The following GABBR2 variants were observed in gnomAD, a reference collection of about 807,000 sequenced individuals.
GABBR2 encodes the protein G-protein coupled receptor 51.
GABBR2 carries 23 observed loss-of-function variants against 105.6 expected under a neutral mutation model. The observed-to-expected ratio is 0.22, with a 90% CI of 0.16 to 0.31. The LOEUF (loss-of-function observed/expected upper bound fraction) is 0.31. Among genes scored for constraint, GABBR2 ranks in the 10% least tolerant of loss-of-function variants. The pLI is 1.00. For missense variants in GABBR2, 734 were observed against 1,245.5 expected (o/e 0.59, Z 6.18); for synonymous variants, 478 against 499.7 (o/e 0.96, Z 0.58).
intron 1 of GABBR2, among the ~76,000 whole-genome samples, chr9:98,609,137 T>C (rs1829470431): frequency 6.6e-6 from 1 of 152,248 alleles, no homozygotes; most frequent in African/African-American, 2.4e-5. Context: ...GATGTTGTGA[T>C]ATAAAAAAAT....
intron 3 of GABBR2, among the ~76,000 whole-genome samples, chr9:98,515,485 A>G (rs1330476999): frequency 2.0e-5 from 3 of 152,256 alleles, no homozygotes; most frequent in Admixed American, 6.5e-5. Flanking sequence ...TTTGTCCTCA[A>G]CTTATGTTCT....
chr9:98,694,815 T>C (rs1830728174), intron 1 of GABBR2, among the ~76,000 whole-genome samples: 1 of 152,240 alleles, frequency 6.6e-6, no homozygotes, highest in African/African-American at 2.4e-5. Context: ...TCTCATTTTA[T>C]AGGTGATAAA....
chr9:98,328,350 ACT>A (rs1365791041), intron 13 of GABBR2, among the ~76,000 whole-genome samples: 1 of 152,028 alleles, frequency 6.6e-6, no homozygotes, highest in Non-Finnish European at 1.5e-5. Context: ...TGTTAAAAAC[ACT>A]CTATTAGTGA....
In GABBR2 at chr9:98,306,799, T is replaced by C. The variant is rs1200899158; in HGVS notation, c.2005-454A>G. On this transcript the variant is annotated intron_variant, in intron 14 of 18. Coordinates refer to ENST00000259455, the MANE Select transcript of GABBR2 (RefSeq NM_005458.8). This position sits in a 1 kb window ranked among gnomAD's most constrained non-coding sequence, Gnocchi z 5.4. The stretch of plus-strand genomic sequence containing the variant: ...TTTTCTATTAAACTAAGCAGATCCC[T>C]TGTGTCTGAGACTTCTATTGTCCCC... Among the ~76,000 whole-genome samples the C allele has an allele frequency of 6.6e-6, 1 of 152,222 alleles. No homozygotes were observed. Among genetic ancestry groups the C allele is most frequent in the East Asian group, 1.9e-4 (1 of 5,198 alleles).
In GABBR2 at chr9:98,496,519, C is replaced by T. The variant is rs1827283598; in HGVS notation, c.631-5G>A. The stretch of plus-strand genomic sequence containing the variant: ...TCCAGTCAGGTCATTCCGCACCTGT[C>T]AGCAAAGAGAAAGCAGAGGGTGGGT... On this transcript the variant is annotated splice_region_variant and splice_polypyrimidine_tract_variant and intron_variant, in intron 3 of 18. Transcript: ENST00000259455. 3 of 1,602,766 alleles carry T rather than the reference C, an allele frequency of 1.9e-6. No individual in the cohort carries two copies. Among genetic ancestry groups the T allele is most frequent in the Non-Finnish European group, 2.6e-6 (3 of 1,170,052 alleles).
At chr9:98,344,830 A>C (rs753697100) in intron 13 of GABBR2, among the ~76,000 whole-genome samples, 2 of 152,136 alleles carry the variant, frequency 1.3e-5, no homozygotes, top group Non-Finnish European at 2.9e-5. Context: ...CAATGTGCTA[A>C]CTAGCTGCTT....
intron 13 of GABBR2, among the ~76,000 whole-genome samples, chr9:98,314,974 G>T (rs924757353): frequency 2.0e-5 from 3 of 152,146 alleles, no homozygotes; most frequent in Non-Finnish European, 4.4e-5. Flanking sequence ...TTCCACCAGT[G>T]ATTCATGTGT....
chr9:98,314,976 T>A (rs1435689519), intron 13 of GABBR2, among the ~76,000 whole-genome samples: 4 of 152,178 alleles, frequency 2.6e-5, no homozygotes, highest in African/African-American at 9.7e-5. Flanking sequence ...CCACCAGTGA[T>A]TCATGTGTTC....
chr9:98,538,335 G>A (rs1204443201), intron 3 of GABBR2, among the ~76,000 whole-genome samples: 1 of 152,164 alleles, frequency 6.6e-6, no homozygotes, highest in African/African-American at 2.4e-5. Context: ...TCATCCAGAG[G>A]GGGCATGGCA....
intron 15 of GABBR2, among the ~76,000 whole-genome samples, chr9:98,303,770 G>A (rs1012253431): frequency 3.9e-5 from 6 of 152,232 alleles, no homozygotes; most frequent in Non-Finnish European, 8.8e-5. Context: ...GAAAAAATAA[G>A]CCCCGAGGGC....
intron 3 of GABBR2, among the ~76,000 whole-genome samples, chr9:98,508,095 A>G (rs2131690219): frequency 6.6e-6 from 1 of 152,314 alleles, no homozygotes; most frequent in South Asian, 2.1e-4. Context: ...GACCAAACCA[A>G]TGTTTACAAA....
chr9:98,517,051 C>G (rs899314033), intron 3 of GABBR2, among the ~76,000 whole-genome samples: 1 of 152,148 alleles, frequency 6.6e-6, no homozygotes, highest in African/African-American at 2.4e-5. Context: ...TCCTAAGGGC[C>G]CTCTGATGGA....
chr9:98,331,806 G>A (rs189792359), intron 13 of GABBR2, among the ~76,000 whole-genome samples: 42 of 152,308 alleles, frequency 2.8e-4, no homozygotes, highest in Middle Eastern at 6.8e-3. Flanking sequence ...ATGGGAAGTG[G>A]GAGTGGGAGC....
intron 1 of GABBR2, chr9:98,607,561 G>A: frequency 1.5e-6 from 1 of 653,464 alleles, no homozygotes; most frequent in South Asian, 2.0e-5. Flanking sequence ...TTTACCTGTT[G>A]GTGTGGTAGG....
At chr9:98,338,400 T>G (rs1414362938) in intron 13 of GABBR2, among the ~76,000 whole-genome samples, 1 of 152,144 alleles carries the variant, frequency 6.6e-6, no homozygotes, top group South Asian at 2.1e-4. Context: ...ATCTAGAATA[T>G]ATAAAGAACT....
chr9:98,403,326 C>T (rs1832431492), intron 8 of GABBR2, among the ~76,000 whole-genome samples: 1 of 141,318 alleles, frequency 7.1e-6, no homozygotes, highest in Non-Finnish European at 1.5e-5. Flanking sequence ...ATCATGTAAA[C>T]AGGAGCATCT....
intron 13 of GABBR2, among the ~76,000 whole-genome samples, chr9:98,340,194 T>G (rs199992982): frequency 0.09 from 13,628 of 151,972 alleles, 719 homozygotes; most frequent in South Asian, 0.11. Context: ...TTTTTTTTTT[T>G]TTTTTGTTAC....
intron 3 of GABBR2, among the ~76,000 whole-genome samples, chr9:98,503,743 GTTTCTGGCTCAGGGTC>G (rs1281754136): frequency 3.3e-5 from 5 of 152,272 alleles, no homozygotes; most frequent in African/African-American, 1.2e-4. Flanking sequence ...TTAACTGGGG[GTTTCTGGCTCAGGGTC>G]TTTCAGGAGG....
At chr9:98,463,025 A>C (rs1233114560) in intron 6 of GABBR2, among the ~76,000 whole-genome samples, 1 of 152,108 alleles carries the variant, frequency 6.6e-6, no homozygotes, top group Non-Finnish European at 1.5e-5. Flanking sequence ...AGTAGCTGAG[A>C]CTACAGGCAT....
Sources: allele counts gnomAD v4.1 joint callset (sites outside exome capture counted in the v4.1 genomes callset), GRCh38; gene constraint gnomAD v4.1.1; non-coding constraint Gnocchi (gnomAD v3.1); transcripts MANE v1.5; gene names NCBI Gene and HGNC (gene_info 2026-07-23, HGNC 2026-07-21).